The following IL1RAPL1 variants were observed in gnomAD, a reference collection of about 807,000 sequenced individuals.
IL1RAPL1 encodes the protein interleukin 1 receptor accessory protein like 1.
Under a neutral mutation model 48.4 loss-of-function variants are expected in IL1RAPL1, and 3 were observed. The observed-to-expected ratio is 0.06, with a 90% CI of 0.03 to 0.16. The LOEUF is 0.16. Among genes scored for constraint, IL1RAPL1 ranks in the 10% least tolerant of loss-of-function variants. IL1RAPL1 has a pLI of 1.00. For missense variants in IL1RAPL1, 349 were observed against 530.6 expected (o/e 0.66, Z 3.36); for synonymous variants, 185 against 187.7 (o/e 0.99, Z 0.12).
chrX:29,573,026 T>C (rs907067829), intron 5 of IL1RAPL1, among the ~76,000 whole-genome samples: 2 of 112,431 alleles, frequency 1.8e-5, no homozygotes, highest in Non-Finnish European at 3.8e-5. Context: ...TTCTAGATGC[T>C]GGGAAGTCCA....
chrX:29,773,757 A>G (rs1569165026), intron 6 of IL1RAPL1, among the ~76,000 whole-genome samples: 3 of 110,296 alleles, frequency 2.7e-5, no homozygotes, highest in African/African-American at 9.9e-5. Context: ...GTGGGTGTGT[A>G]TGTGTGTGTG....
At chrX:29,083,842 T>A (rs777768734) in intron 2 of IL1RAPL1, among the ~76,000 whole-genome samples, 1 of 111,806 alleles carries the variant, frequency 8.9e-6, no homozygotes, top group Non-Finnish European at 1.9e-5. Context: ...GAATTTTTTT[T>A]AAGAAGTAAT....
intron 2 of IL1RAPL1, among the ~76,000 whole-genome samples, chrX:29,015,207 A>G (rs1047162724): frequency 9.0e-6 from 1 of 111,270 alleles, no homozygotes; most frequent in Admixed American, 9.6e-5. Context: ...TGAAGTATTT[A>G]TTATTCTCAG....
chrX:29,258,396 T>C lies in IL1RAPL1; in HGVS notation c.83-24542T>C, dbSNP rs763389688. On this transcript the variant is annotated intron_variant, in intron 2 of 10. Coordinates refer to ENST00000378993, the MANE Select transcript of IL1RAPL1 (RefSeq NM_014271.4). ...TTTACACCAGGAATTAACAACATGT[T>C]ACCTTCGGGTTCCTCTGTGTGATGT... Among the ~76,000 whole-genome samples, 3 of 111,499 alleles carry C rather than the reference T, an allele frequency of 2.7e-5. No homozygotes were observed. The South Asian group carries it at 1.1e-3, about 42-fold the overall frequency.
chrX:29,174,779 A>G (rs995517844), intron 2 of IL1RAPL1, among the ~76,000 whole-genome samples: 1 of 112,088 alleles, frequency 8.9e-6, no homozygotes, highest in Non-Finnish European at 1.9e-5. Flanking sequence ...AGGAGGCACA[A>G]AAAGATCCAG....
intron 5 of IL1RAPL1, among the ~76,000 whole-genome samples, chrX:29,475,705 A>T (rs1224811718): frequency 2.7e-5 from 3 of 111,880 alleles, no homozygotes; most frequent in African/African-American, 9.7e-5. Context: ...CCTACAACAT[A>T]TGGGCATGTT....
intron 2 of IL1RAPL1, among the ~76,000 whole-genome samples, chrX:28,914,520 T>A (rs1034601315): frequency 8.9e-6 from 1 of 112,069 alleles, no homozygotes; most frequent in Non-Finnish European, 1.9e-5. Flanking sequence ...GTAAGTAAAA[T>A]TTTAAGTAAA....
intron 1 of IL1RAPL1, among the ~76,000 whole-genome samples, chrX:28,662,406 TAAGAA>T (rs1359862533): frequency 3.6e-5 from 4 of 111,497 alleles, no homozygotes; most frequent in African/African-American, 1.3e-4. Context: ...TTTTAAAACC[TAAGAA>T]AAGAATTGAG....
chrX:29,167,304 C>CCCCTT (rs889950278), intron 2 of IL1RAPL1, among the ~76,000 whole-genome samples: 8 of 109,631 alleles, frequency 7.3e-5, no homozygotes, highest in African/African-American at 2.3e-4. Context: ...GCTTCCCCTT[C>CCCCTT]CCCTTCCCTT....
intron 1 of IL1RAPL1, among the ~76,000 whole-genome samples, chrX:28,633,974 A>T (rs759374090): frequency 1.8e-5 from 2 of 111,743 alleles, no homozygotes; most frequent in Non-Finnish European, 3.8e-5. Flanking sequence ...TTTACTAAAA[A>T]TACTAAATAT....
At chrX:29,543,828 G>A (rs774748472) in intron 5 of IL1RAPL1, among the ~76,000 whole-genome samples, 21 of 110,862 alleles carry the variant, frequency 1.9e-4, no homozygotes, top group African/African-American at 6.2e-4. Context: ...GCAATGGGAC[G>A]ATAAGGAGTA....
chrX:29,703,071 G>C (rs1384667322), intron 6 of IL1RAPL1, among the ~76,000 whole-genome samples: 5 of 111,541 alleles, frequency 4.5e-5, no homozygotes, highest in Non-Finnish European at 1.9e-5. Context: ...AATAAGACAT[G>C]ACATTGTTTC....
chrX:28,686,239 T>TA (rs1935108932), intron 1 of IL1RAPL1, among the ~76,000 whole-genome samples: 2 of 112,153 alleles, frequency 1.8e-5, no homozygotes, highest in South Asian at 7.4e-4. Context: ...TTGAAGTTTT[T>TA]ATCCCAGAAG....
intron 5 of IL1RAPL1, among the ~76,000 whole-genome samples, chrX:29,572,201 A>G (rs1301539766): frequency 8.9e-6 from 1 of 112,335 alleles, no homozygotes; most frequent in Non-Finnish European, 1.9e-5. Context: ...AGACAGTTAG[A>G]GTTTCTTACA....
At chrX:29,342,158 GT>G (rs1219028114) in intron 3 of IL1RAPL1, among the ~76,000 whole-genome samples, 6 of 98,634 alleles carry the variant, frequency 6.1e-5, no homozygotes, top group African/African-American at 1.1e-4. Flanking sequence ...GTGTGTGTTT[GT>G]TTTGTTTTGT....
Position 29,400,619 on chromosome X carries a change from G to C in IL1RAPL1, c.703+1311G>C, listed in dbSNP as rs957428507. ...CATTAGCTGTTTTAAATTAAACAGAGTTTTATTTGTTCACTGGTCCACTTA... is the reference window on the plus strand; with the variant it reads ...CATTAGCTGTTTTAAATTAAACAGACTTTTATTTGTTCACTGGTCCACTTA... On this transcript the variant is annotated intron_variant, in intron 5 of 10. Transcript: ENST00000378993. Among the ~76,000 whole-genome samples, 6 of 112,018 alleles carry C rather than the reference G, an allele frequency of 5.4e-5. 1 individual carries two copies. In the Admixed American group the frequency reaches 5.7e-4, roughly 11 times the overall value.
At chrX:29,638,851 A>G (rs904693535) in intron 5 of IL1RAPL1, among the ~76,000 whole-genome samples, 1 of 112,346 alleles carries the variant, frequency 8.9e-6, no homozygotes, top group Non-Finnish European at 1.9e-5. Context: ...TACTTACACT[A>G]ACAGGATTTC....
chrX:28,934,968 T>G (rs1923977695), intron 2 of IL1RAPL1, among the ~76,000 whole-genome samples: 1 of 111,673 alleles, frequency 9.0e-6, no homozygotes, highest in Non-Finnish European at 1.9e-5. Flanking sequence ...CATTTTATAT[T>G]CTCATTATCT....
At chrX:29,467,483 A>G (rs1934875749) in intron 5 of IL1RAPL1, among the ~76,000 whole-genome samples, 2 of 112,519 alleles carry the variant, frequency 1.8e-5, no homozygotes, top group Non-Finnish European at 3.7e-5. Context: ...TCACTTACTC[A>G]GCCTGCAGCA....
Sources: gnomAD v4.1 joint callset for allele counts (sites outside exome capture counted in the v4.1 genomes callset) on GRCh38, gnomAD v4.1.1 for gene constraint, MANE v1.5 for transcripts, NCBI Gene and HGNC (gene_info 2026-07-23, HGNC 2026-07-21) for gene names.